Variants in DMD observed in about 807,000 individuals in gnomAD.
DMD encodes the protein mutant dystrophin.
A neutral mutation model predicts 330.1 loss-of-function variants in DMD; 63 were observed. The ratio of observed to expected loss-of-function variants is 0.19; its 90% CI spans 0.16 to 0.24. The LOEUF is 0.24. Ranked by LOEUF, DMD falls within the 10% of genes least tolerant of loss-of-function variation. DMD has a pLI of 1.00. For missense variants in DMD, 3,344 were observed against 2,684.1 expected, an observed-to-expected ratio of 1.25 and a Z score of -5.43; for synonymous variants, 1,223 against 959.8, an observed-to-expected ratio of 1.27 and a Z score of -5.07.
chrX:33,000,958 T>C (rs2093265795), intron 2 of DMD, among the ~76,000 whole-genome samples: 1 of 111,516 alleles, frequency 9.0e-6, no homozygotes, highest in African/African-American at 3.3e-5. Context: ...AATTATTCTA[T>C]ATTTTTTATT....
chrX:32,468,441 C>T (rs936436346), intron 23 of DMD, 57 bp downstream of exon 23: 11 of 1,021,964 alleles, frequency 1.1e-5, no homozygotes, highest in South Asian at 6.0e-5. Flanking sequence ...TACAGTGTAT[C>T]GTTAGGGAAA....
intron 21 of DMD, among the ~76,000 whole-genome samples, chrX:32,483,845 T>TAAAAAAAA (rs2042165468): frequency 1.9e-5 from 1 of 52,997 alleles, no homozygotes; most frequent in African/African-American, 6.3e-5. Flanking sequence ...AAAAAAAAAG[T>TAAAAAAAA]ATTTATCCTT....
intron 44 of DMD, chrX:32,155,308 C>T: frequency 1.7e-6 from 1 of 590,723 alleles, no homozygotes. Context: ...CAGAAGAGCA[C>T]TTTCCTCTCA....
At chrX:32,996,826 A>T (rs781298555) in intron 2 of DMD, among the ~76,000 whole-genome samples, 1 of 111,523 alleles carries the variant, frequency 9.0e-6, no homozygotes, top group African/African-American at 3.3e-5. Flanking sequence ...AAAAAAAAAA[A>T]AAACTAGCTT....
intron 61 of DMD, among the ~76,000 whole-genome samples, chrX:31,346,445 A>T (rs1368012900): frequency 1.8e-5 from 2 of 111,742 alleles, no homozygotes; most frequent in Non-Finnish European, 3.8e-5. Context: ...ATGCTAACAG[A>T]TGTTAACTCC....
At chrX:31,687,303 C>T (rs909966092) in intron 52 of DMD, among the ~76,000 whole-genome samples, 2 of 111,135 alleles carry the variant, frequency 1.8e-5, no homozygotes, top group African/African-American at 6.6e-5. Flanking sequence ...GTAAAGGGGA[C>T]TTTGTCTTGC....
chrX:31,984,894 C>T (rs904342326), intron 44 of DMD, among the ~76,000 whole-genome samples: 2 of 111,522 alleles, frequency 1.8e-5, no homozygotes, highest in Non-Finnish European at 3.8e-5. Context: ...CTGTCCTGGC[C>T]GAGAGTATGT....
intron 2 of DMD, among the ~76,000 whole-genome samples, chrX:32,980,008 A>G (rs994634546): frequency 9.0e-6 from 1 of 111,489 alleles, no homozygotes; most frequent in Admixed American, 9.6e-5. Context: ...ACAGCTATTG[A>G]AGAGTTATAA....
chrX:31,197,566 C>A (rs1318864943), intron 67 of DMD, among the ~76,000 whole-genome samples: 1 of 111,523 alleles, frequency 9.0e-6, no homozygotes. Flanking sequence ...TAGAGAAATT[C>A]AGAAGATAGA....
At chrX:32,229,865 G>C (rs1416125885) in intron 43 of DMD, among the ~76,000 whole-genome samples, 1 of 105,763 alleles carries the variant, frequency 9.5e-6, no homozygotes, top group Non-Finnish European at 1.9e-5. Context: ...CACAACATAA[G>C]ATTTCTTAGG....
chrX:32,927,032 C>T (rs1209938688), intron 2 of DMD, among the ~76,000 whole-genome samples: 1 of 111,530 alleles, frequency 9.0e-6, no homozygotes, highest in African/African-American at 3.3e-5. Context: ...ATATTAATTG[C>T]TTAGCAAATC....
chrX:31,504,515 A>G lies in DMD; in HGVS notation c.8390+2766T>C, dbSNP rs899297701. ...GCAAACACAGGCCTATTTTTCCAGT[A>G]TATCATTGAAACTATTTTTTAATTG... On this transcript the variant is annotated intron_variant, in intron 56 of 78. Coordinates refer to ENST00000357033, the MANE Select transcript of DMD (RefSeq NM_004006.3). Among the ~76,000 whole-genome samples the G allele has an allele frequency of 1.5e-4, 17 of 111,953 alleles. No individual in the cohort carries two copies. The Admixed American group carries it at 1.5e-3, about 10-fold the overall frequency.
At chrX:33,004,001 T>C (rs2147456000) in intron 2 of DMD, among the ~76,000 whole-genome samples, 1 of 112,335 alleles carries the variant, frequency 8.9e-6, no homozygotes, top group South Asian at 3.6e-4. Flanking sequence ...AAATGAAACA[T>C]TTCCATCCTT....
intron 44 of DMD, among the ~76,000 whole-genome samples, chrX:32,099,942 T>C (rs1293369384): frequency 9.1e-6 from 1 of 110,362 alleles, no homozygotes; most frequent in Non-Finnish European, 1.9e-5. Flanking sequence ...TTCCTAGGAC[T>C]GGCATAAAAT....
chrX:32,281,888 A>T (rs1259599205), intron 43 of DMD, among the ~76,000 whole-genome samples: 1 of 111,866 alleles, frequency 8.9e-6, no homozygotes, highest in Non-Finnish European at 1.9e-5. Flanking sequence ...TGTCTATTTT[A>T]CATCATATCT....
chrX:32,205,010 TACA>T lies in DMD; in HGVS notation c.6438+11903_6438+11905del, dbSNP rs2097059551. On this transcript the variant is annotated intron_variant, in intron 44 of 78. Coordinates refer to ENST00000357033, the MANE Select transcript of DMD (RefSeq NM_004006.3). Reference sequence around the variant, plus strand: ...TCTCTCTCTCTCTCTCTCTCTCACATACACACACACACACACACACACACACAC... The same window carrying T: ...TCTCTCTCTCTCTCTCTCTCTCACATCACACACACACACACACACACACAC... 2.1e-4 allele frequency among the ~76,000 whole-genome samples: 11 copies of T among 53,054 alleles called. 1 individual carries two copies. The highest frequency in any genetic ancestry group is 8.5e-4 in the African/African-American group (11 of 12,893). 46.1% of individuals were successfully genotyped at this position (53,054 alleles called of 115,157 possible). A position where few individuals can be genotyped will look rare whatever the true frequency, so the allele number is the denominator to read the frequency against.
At position 32,654,056 on chromosome X, in the gene DMD, AC is replaced by A. The variant is rs1312688165; in HGVS notation, c.961-8905del. Among the ~76,000 whole-genome samples the A allele has an allele frequency of 8.2e-4, 92 of 111,957 alleles. 1 individual carries two copies. Among genetic ancestry groups the A allele is most frequent in the African/African-American group, 2.8e-3 (87 of 30,709 alleles). ...CAGCTTAAGTAGATTTTGGGCTGAG[AC>A]AATGGGGTTTTCTAGATATACAATC... On this transcript the variant is annotated intron_variant, in intron 9 of 78. Coordinates refer to ENST00000357033, the MANE Select transcript of DMD (RefSeq NM_004006.3).
At chrX:32,141,670 T>C (rs954525469) in intron 44 of DMD, among the ~76,000 whole-genome samples, 55 of 79,428 alleles carry the variant, frequency 6.9e-4, no homozygotes, top group Non-Finnish European at 1.0e-3. Flanking sequence ...CAATATAATA[T>C]AGAGTGCAAC....
chrX:32,780,799 G>A (rs1456026267), intron 7 of DMD, among the ~76,000 whole-genome samples: 2 of 110,173 alleles, frequency 1.8e-5, no homozygotes, highest in East Asian at 2.8e-4. Flanking sequence ...TGTAAAAGCC[G>A]TGTCTTCAAG....
Sources: allele counts gnomAD v4.1 joint callset (sites outside exome capture counted in the v4.1 genomes callset), GRCh38; gene constraint gnomAD v4.1.1; transcripts MANE v1.5; gene names NCBI Gene and HGNC (gene_info 2026-07-23, HGNC 2026-07-21).